The following FBXO32 variants were observed in gnomAD, a reference collection of about 807,000 sequenced individuals.
FBXO32 encodes F-box only protein 32.
FBXO32 carries 15 observed loss-of-function variants against 48.3 expected under a neutral mutation model. That is an observed-to-expected ratio of 0.31 (90% CI 0.21 to 0.48). The LOEUF is 0.48. FBXO32 is among the 20% of genes least tolerant of loss of function. The pLI is 0.99. For synonymous variants in FBXO32, 154 were observed against 165.9 expected (o/e 0.93, Z 0.55); for missense variants, 309 against 432.7 (o/e 0.71, Z 2.54).
At position 123,510,620 on chromosome 8, in the gene FBXO32, T is replaced by G. The variant is rs115970159; in HGVS notation, c.651+2578A>C. On this transcript the variant is annotated intron_variant, in intron 6 of 8. Coordinates refer to ENST00000517956, the MANE Select transcript of FBXO32 (RefSeq NM_058229.4). ...AGAGACCCTGTTTCAAAAAAAGAAATCCTACAGCTGGTAAATTATTATCAT... is the reference window on the plus strand; with the variant it reads ...AGAGACCCTGTTTCAAAAAAAGAAAGCCTACAGCTGGTAAATTATTATCAT... 5.8e-3 allele frequency among the ~76,000 whole-genome samples: 873 copies of G among 151,818 alleles called. 10 individuals are homozygous for G. Among genetic ancestry groups the G allele is most frequent in the African/African-American group, 0.02 (823 of 41,396 alleles).
rs1218256018 is a variant in FBXO32 at position 123,500,653 on chromosome 8, A to AGAT, written c.*2717_*2719dup. ...AACAGATACCACGTGGCACTAACAC[A>AGAT]GATATGTTGTGCCTGCTGTGCTCTT... On this transcript the variant is annotated 3_prime_UTR_variant, in exon 9 of 9. Coordinates refer to ENST00000517956, the MANE Select transcript of FBXO32 (RefSeq NM_058229.4). 1.3e-5 allele frequency: 2 copies of AGAT among 152,232 alleles called. No homozygotes were observed. The highest frequency in any genetic ancestry group is 4.8e-5 in the African/African-American group (2 of 41,468). 9.4% of individuals were successfully genotyped at this position (152,232 alleles called of 1,614,324 possible).
chr8:123,503,547 G>A, intron 8 of FBXO32, 85 bp from the exon 9 acceptor site: 1 of 981,204 alleles, frequency 1.0e-6, no homozygotes, highest in Non-Finnish European at 1.6e-6. Flanking sequence ...CAACTTCAAA[G>A]CAACAATTCT....
At chr8:123,504,238 C>T (rs1445248857) in intron 8 of FBXO32, among the ~76,000 whole-genome samples, 3 of 151,974 alleles carry the variant, frequency 2.0e-5, no homozygotes, top group South Asian at 4.2e-4. Flanking sequence ...ATTACATTAT[C>T]GCATGGACCC....
At chr8:123,532,011 A>G in intron 3 of FBXO32, 21 bp from the exon 4 acceptor site, 1 of 1,613,598 alleles carries the variant, frequency 6.2e-7, no homozygotes, top group Non-Finnish European at 8.5e-7. Flanking sequence ...AAACAAAGGC[A>G]CAGAAGTTAC....
At chr8:123,511,605 A>C in intron 6 of FBXO32, among the ~76,000 whole-genome samples, 1 of 151,930 alleles carries the variant, frequency 6.6e-6, no homozygotes, top group Non-Finnish European at 1.5e-5. Context: ...CCTCCCGAGT[A>C]GCTGGGACTA....
chr8:123,524,545 T>A (rs573738953), intron 4 of FBXO32, among the ~76,000 whole-genome samples: 1 of 152,324 alleles, frequency 6.6e-6, no homozygotes, highest in South Asian at 2.1e-4. Flanking sequence ...TTTCTTTTTA[T>A]CTTTTTTTGA....
intron 4 of FBXO32, among the ~76,000 whole-genome samples, chr8:123,522,702 T>C (rs963059009): frequency 4.3e-4 from 65 of 152,306 alleles, no homozygotes; most frequent in African/African-American, 1.4e-3. Flanking sequence ...TTCACTTTTG[T>C]TCCTTCCCAT....
chr8:123,519,977 C>T (rs970624978), intron 4 of FBXO32, among the ~76,000 whole-genome samples: 1 of 152,048 alleles, frequency 6.6e-6, no homozygotes, highest in Admixed American at 6.6e-5. Context: ...TAGTAGAGAT[C>T]GAGTTTCACC....
chr8:123,507,438 G>GGGGGGTGTGTGTGT (rs371377453), intron 6 of FBXO32, among the ~76,000 whole-genome samples: 1 of 139,802 alleles, frequency 7.2e-6, no homozygotes, highest in African/African-American at 2.7e-5. Context: ...TCTGTGCTAG[G>GGGGGGTGTGTGTGT]GTGTGTGTGT....
At chr8:123,531,369 G>A (rs1306521595) in intron 4 of FBXO32, among the ~76,000 whole-genome samples, 3 of 152,208 alleles carry the variant, frequency 2.0e-5, no homozygotes, top group Admixed American at 1.3e-4. Context: ...CACAAAACAC[G>A]GAGGTGCTTT....
chr8:123,532,804 C>G (rs990391776), intron 3 of FBXO32, among the ~76,000 whole-genome samples: 48 of 152,200 alleles, frequency 3.2e-4, no homozygotes, highest in Admixed American at 3.1e-3. Flanking sequence ...AAAACTTCTA[C>G]TATATTTAGT....
intron 4 of FBXO32, among the ~76,000 whole-genome samples, chr8:123,516,333 C>T (rs950355216): frequency 1.5e-4 from 23 of 152,194 alleles, no homozygotes; most frequent in African/African-American, 5.5e-4. Context: ...ACTCAGTAGA[C>T]TAGACACAGA....
intron 6 of FBXO32, among the ~76,000 whole-genome samples, chr8:123,510,017 T>C (rs1221298658): frequency 6.6e-6 from 1 of 152,190 alleles, no homozygotes; most frequent in Non-Finnish European, 1.5e-5. Flanking sequence ...AGATAATACA[T>C]AGAAGCACTC....
chr8:123,503,284 A>G lies in FBXO32; in HGVS notation c.*89T>C. 1 of 1,065,548 alleles carries G rather than the reference A, an allele frequency of 9.4e-7. No individual in the cohort carries two copies. Among genetic ancestry groups the G allele is most frequent in the South Asian group, 1.4e-5 (1 of 70,162 alleles). The allele number at this position is 1,065,548 out of a possible 1,614,324, so 66.0% of individuals were successfully genotyped here. A position where few individuals can be genotyped will look rare whatever the true frequency, so the allele number is the denominator to read the frequency against. On this transcript the variant is annotated 3_prime_UTR_variant, in exon 9 of 9. Transcript: ENST00000517956. Reference sequence around the variant, plus strand: ...TTTCGAGCCAATGTTTAAAATGTACACTATTTACAAATGAAGTGTCCAAAT... The same window carrying G: ...TTTCGAGCCAATGTTTAAAATGTACGCTATTTACAAATGAAGTGTCCAAAT...
chr8:123,527,920 T>C (rs1817120265), intron 4 of FBXO32, among the ~76,000 whole-genome samples: 1 of 152,228 alleles, frequency 6.6e-6, no homozygotes, highest in African/African-American at 2.4e-5. Context: ...TTTCCATCAC[T>C]AAATTCCTGA....
Position 123,502,376 on chromosome 8 carries a change from G to A in FBXO32, c.*997C>T, listed in dbSNP as rs1816511965. On this transcript the variant is annotated 3_prime_UTR_variant, in exon 9 of 9. Transcript: ENST00000517956. ...CAGCAGGAATAAGGAAGTCTTCACA[G>A]CTATTGATTGGGTGACCAATTCTAT... 1 of 152,284 alleles carries A rather than the reference G, an allele frequency of 6.6e-6. No homozygotes were observed. The highest frequency in any genetic ancestry group is 2.4e-5 in the African/African-American group (1 of 41,466). The allele number at this position is 152,284 out of a possible 1,614,324, so 9.4% of individuals were successfully genotyped here. A position where few individuals can be genotyped will look rare whatever the true frequency, so the allele number is the denominator to read the frequency against.
Position 123,541,037 on chromosome 8 carries a change from G to T in FBXO32, c.-23C>A, listed in dbSNP as rs993913093. 2 of 1,535,094 alleles carry T rather than the reference G, an allele frequency of 1.3e-6. No homozygotes were observed. Among genetic ancestry groups the T allele is most frequent in the Non-Finnish European group, 1.8e-6 (2 of 1,124,574 alleles). On this transcript the variant is annotated 5_prime_UTR_variant, in exon 1 of 9. Transcript: ENST00000517956. ...CATGGCACCGCGAGCGGACTAGACGGATGGGGAGACGGGGCCGGCCTGGTG... is the reference window on the plus strand; with the variant it reads ...CATGGCACCGCGAGCGGACTAGACGTATGGGGAGACGGGGCCGGCCTGGTG...
chr8:123,538,161 G>A (rs1470072413), intron 1 of FBXO32, among the ~76,000 whole-genome samples: 1 of 152,066 alleles, frequency 6.6e-6, no homozygotes, highest in African/African-American at 2.4e-5. Flanking sequence ...CTGGACACAT[G>A]GCTGGGACTG....
chr8:123,504,682 A>G lies in FBXO32; in HGVS notation c.900T>C (p.Leu300=), dbSNP rs17852177. 3 of 1,614,120 alleles carry G rather than the reference A, an allele frequency of 1.9e-6. No individual in the cohort carries two copies. The highest frequency in any genetic ancestry group is 2.5e-6 in the Non-Finnish European group (3 of 1,180,008). The change falls in exon 8 of 9, where the codon CTT becomes CTC. Residue 300 remains leucine, a synonymous_variant. Coordinates refer to ENST00000517956, the MANE Select transcript of FBXO32 (RefSeq NM_058229.4). ...GCTCTTTCCTTGGGTAACATCGGACAAGTTTGAAATACATCTTCTTCCAAT... is the reference window on the plus strand; with the variant it reads ...GCTCTTTCCTTGGGTAACATCGGACGAGTTTGAAATACATCTTCTTCCAAT... ...QLDWKKMYFK[L]VRCYPRKEQY... is the part of the protein sequence containing the mutation.
Sources: gnomAD v4.1 joint callset for allele counts (sites outside exome capture counted in the v4.1 genomes callset) on GRCh38, gnomAD v4.1.1 for gene constraint, MANE v1.5 for transcripts, NCBI Gene and HGNC (gene_info 2026-07-23, HGNC 2026-07-21) for gene names.